Variants in CSMD1 observed in about 807,000 individuals in gnomAD.
The protein encoded by CSMD1 is CUB and Sushi multiple domains 1.
CSMD1 carries 213 observed loss-of-function variants against 417.5 expected under a neutral mutation model. The observed-to-expected ratio is 0.51, with a 90% CI of 0.46 to 0.57. The LOEUF is 0.57. Ranked by LOEUF, CSMD1 falls within the 20% of genes least tolerant of loss-of-function variation. The pLI is 0.00. For missense variants in CSMD1, 6,923 were observed against 4,529.7 expected (o/e 1.53, Z -15.17); for synonymous variants, 2,862 against 1,736.8 (o/e 1.65, Z -16.11).
At chr8:3,510,637 A>G (rs538534736) in intron 10 of CSMD1, among the ~76,000 whole-genome samples, 1 of 151,944 alleles carries the variant, frequency 6.6e-6, no homozygotes, top group East Asian at 1.9e-4. Context: ...AACATACGAT[A>G]AAAAAATCAC....
chr8:4,338,907 G>T (rs1461741492), intron 3 of CSMD1, among the ~76,000 whole-genome samples: 1 of 152,058 alleles, frequency 6.6e-6, no homozygotes, highest in African/African-American at 2.4e-5. Flanking sequence ...TGACAACAGA[G>T]GCATGATAAA....
At chr8:4,270,115 G>C (rs769713854) in intron 3 of CSMD1, among the ~76,000 whole-genome samples, 22 of 152,184 alleles carry the variant, frequency 1.4e-4, no homozygotes, top group Non-Finnish European at 2.8e-4. Flanking sequence ...ATCTCTTTCT[G>C]AGACTTTGGT....
intron 10 of CSMD1, among the ~76,000 whole-genome samples, chr8:3,557,102 C>T (rs1446742760): frequency 2.6e-5 from 4 of 152,182 alleles, no homozygotes; most frequent in Non-Finnish European, 5.9e-5. Flanking sequence ...CGGCCAAATC[C>T]ATTCCAAATA....
chr8:4,347,580 G>A lies in CSMD1; in HGVS notation c.415+72373C>T, dbSNP rs558969389. 4.1e-4 allele frequency among the ~76,000 whole-genome samples: 62 copies of A among 152,190 alleles called. No homozygotes were observed. The East Asian group carries it at 7.2e-3, about 18-fold the overall frequency. On this transcript the variant is annotated intron_variant, in intron 3 of 69. Coordinates refer to ENST00000635120, the MANE Select transcript of CSMD1 (RefSeq NM_033225.6). ...TCCCTGTTGCCTATTATTAAAGTTC[G>A]CCAAAGAGAATGTAGATATTGGCCA... is the stretch of plus-strand genomic sequence containing the variant.
intron 2 of CSMD1, among the ~76,000 whole-genome samples, chr8:4,452,652 C>T (rs1020251873): frequency 1.3e-5 from 2 of 151,934 alleles, no homozygotes; most frequent in Non-Finnish European, 2.9e-5. Flanking sequence ...TTGAGTGAAA[C>T]GTAACATTGC....
intron 5 of CSMD1, among the ~76,000 whole-genome samples, chr8:3,908,095 T>G (rs1442698927): frequency 6.6e-6 from 1 of 152,172 alleles, no homozygotes; most frequent in Non-Finnish European, 1.5e-5. Flanking sequence ...AGCCCTAATG[T>G]CTGTTGAGGC....
chr8:3,301,635 G>C (rs565053598), intron 25 of CSMD1, among the ~76,000 whole-genome samples: 26 of 152,318 alleles, frequency 1.7e-4, no homozygotes, highest in Middle Eastern at 3.4e-3. Context: ...GCTATGATCA[G>C]AGATCAGTCA....
intron 5 of CSMD1, among the ~76,000 whole-genome samples, chr8:3,913,516 G>C (rs1408256232): frequency 1.3e-5 from 2 of 152,126 alleles, no homozygotes; most frequent in African/African-American, 4.8e-5. Context: ...ATGTGTTTCA[G>C]AAAGGATGGA....
intron 5 of CSMD1, among the ~76,000 whole-genome samples, chr8:3,838,930 T>C (rs866876294): frequency 1.1e-5 from 1 of 95,076 alleles, no homozygotes; most frequent in Admixed American, 1.2e-4. Context: ...GTCTCTCTAT[T>C]TATATATAAT....
At chr8:3,497,782 C>G (rs1243586252) in intron 10 of CSMD1, among the ~76,000 whole-genome samples, 10 of 152,256 alleles carry the variant, frequency 6.6e-5, no homozygotes, top group African/African-American at 2.4e-4. Context: ...TTGTTTTGCA[C>G]ATCCTCTATT....
intron 3 of CSMD1, among the ~76,000 whole-genome samples, chr8:4,384,992 T>C (rs1196959496): frequency 1.3e-5 from 2 of 152,190 alleles, no homozygotes; most frequent in East Asian, 1.9e-4. Flanking sequence ...GCAATCTCGA[T>C]CTCGGCTCAA....
intron 1 of CSMD1, among the ~76,000 whole-genome samples, chr8:4,776,093 C>G (rs1796840201): frequency 6.6e-6 from 1 of 152,074 alleles, no homozygotes. Flanking sequence ...TTTGAAGAAG[C>G]AGGCACCGGC....
At chr8:2,971,550 G>T (rs77424898) in intron 57 of CSMD1, among the ~76,000 whole-genome samples, 22 of 152,128 alleles carry the variant, frequency 1.4e-4, no homozygotes, top group Admixed American at 4.6e-4. Flanking sequence ...CCTCATATCG[G>T]GAAGATAGAA....
intron 10 of CSMD1, among the ~76,000 whole-genome samples, chr8:3,522,436 T>C (rs1269714576): frequency 6.6e-6 from 1 of 152,188 alleles, no homozygotes; most frequent in African/African-American, 2.4e-5. Flanking sequence ...GCAGCTTCGA[T>C]TTCTCCAGGC....
chr8:3,491,265 C>G (rs1818361888), intron 11 of CSMD1, among the ~76,000 whole-genome samples: 1 of 152,122 alleles, frequency 6.6e-6, no homozygotes, highest in Non-Finnish European at 1.5e-5. Context: ...GAATCCCTGC[C>G]TCAATGTACA....
chr8:3,596,338 G>C (rs372713066), intron 8 of CSMD1, among the ~76,000 whole-genome samples: 8 of 152,154 alleles, frequency 5.3e-5, no homozygotes, highest in African/African-American at 1.9e-4. Context: ...ACCAGGTACA[G>C]CATGCAGGGA....
intron 2 of CSMD1, among the ~76,000 whole-genome samples, chr8:4,598,329 A>G (rs781367280): frequency 6.6e-6 from 1 of 152,198 alleles, no homozygotes; most frequent in Non-Finnish European, 1.5e-5. Context: ...CTAGCAGTCT[A>G]AACAGCTGAA....
At chr8:4,988,839 G>A (rs1002220522) in intron 1 of CSMD1, among the ~76,000 whole-genome samples, 2 of 152,158 alleles carry the variant, frequency 1.3e-5, no homozygotes, top group Non-Finnish European at 2.9e-5. Flanking sequence ...GAAAAAACAA[G>A]GTGTGCATTA....
chr8:4,819,942 T>A (rs894196164), intron 1 of CSMD1, among the ~76,000 whole-genome samples: 1 of 152,192 alleles, frequency 6.6e-6, no homozygotes, highest in African/African-American at 2.4e-5. Context: ...ATTTTTGAAA[T>A]ATCTACTTAT....
Sources: gnomAD v4.1 joint callset for allele counts (sites outside exome capture counted in the v4.1 genomes callset) on GRCh38, gnomAD v4.1.1 for gene constraint, MANE v1.5 for transcripts, NCBI Gene and HGNC (gene_info 2026-07-23, HGNC 2026-07-21) for gene names.